PLPP3: variants seen among roughly 807,000 people sequenced by gnomAD.
PLPP3 encodes phospholipid phosphatase 3.
A neutral mutation model predicts 29.6 loss-of-function variants in PLPP3; 6 were observed. The observed-to-expected ratio is 0.20, with a 90% CI of 0.11 to 0.40. PLPP3 has a LOEUF of 0.40. Among genes scored for constraint, PLPP3 ranks in the 10% least tolerant of loss-of-function variants. PLPP3 has a pLI of 1.00. For missense variants in PLPP3, 308 were observed against 407.7 expected (o/e 0.76, Z 2.11); for synonymous variants, 152 against 159.7 (o/e 0.95, Z 0.36).
chr1:56,576,408 G>T (rs1242842108), intron 1 of PLPP3, among the ~76,000 whole-genome samples: 1 of 152,252 alleles, frequency 6.6e-6, no homozygotes, highest in Non-Finnish European at 1.5e-5. Flanking sequence ...ATCACATGTT[G>T]TGCTATTAAT....
At position 56,524,384 on chromosome 1, in the gene PLPP3, A is replaced by G; in HGVS notation, c.468T>C (p.Pro156=). 1.2e-6 allele frequency: 2 copies of G among 1,614,130 alleles called. No homozygotes were observed. The highest frequency in any genetic ancestry group is 1.7e-6 in the Non-Finnish European group (2 of 1,179,960). ...IAKVSIGRLR[P]HFLSVCNPDF... ...CAGGGTTGCAGACACTCAAGAAGTG[A>G]GGACGCAGGCGCCCTATGGACACTT... Residue 156 remains proline (P), a synonymous_variant, in exon 3 of 6, where the codon CCT becomes CCC. Coordinates refer to ENST00000371250, the MANE Select transcript of PLPP3 (RefSeq NM_003713.5). This position sits in a 1 kb window ranked among gnomAD's most constrained non-coding sequence, Gnocchi z 4.3.
intron 4 of PLPP3, chr1:56,512,921 G>A (rs1036069873): frequency 5.9e-5 from 9 of 151,880 alleles, no homozygotes; most frequent in African/African-American, 1.9e-4. Context: ...TGGGGATTAC[G>A]GCTATATAAT....
chr1:56,534,520 C>T (rs992605809), intron 2 of PLPP3, among the ~76,000 whole-genome samples: 4 of 152,106 alleles, frequency 2.6e-5, no homozygotes, highest in Admixed American at 6.5e-5. Flanking sequence ...CAGGAGAAGG[C>T]TCAGGACTGC....
chr1:56,576,714 C>T (rs566163905), intron 1 of PLPP3, among the ~76,000 whole-genome samples: 9 of 152,010 alleles, frequency 5.9e-5, no homozygotes, highest in African/African-American at 2.2e-4. Context: ...AACATAAGAC[C>T]AACAGTGAAT....
At chr1:56,546,334 C>T (rs1259781145) in intron 1 of PLPP3, among the ~76,000 whole-genome samples, 1 of 152,144 alleles carries the variant, frequency 6.6e-6, no homozygotes, top group Admixed American at 6.5e-5. Flanking sequence ...ATGTTAATTG[C>T]CTGGCTTTGT....
At chr1:56,526,179 A>C (rs961939449) in intron 2 of PLPP3, among the ~76,000 whole-genome samples, 2 of 152,214 alleles carry the variant, frequency 1.3e-5, no homozygotes, top group Admixed American at 1.3e-4. Flanking sequence ...GGGACCCTGC[A>C]TAGATGCTCA....
At chr1:56,527,866 G>A (rs1029812090) in intron 2 of PLPP3, among the ~76,000 whole-genome samples, 3 of 152,066 alleles carry the variant, frequency 2.0e-5, no homozygotes, top group Non-Finnish European at 2.9e-5. Context: ...TCTCCGACAC[G>A]TTACACACCT....
intron 1 of PLPP3, among the ~76,000 whole-genome samples, chr1:56,551,222 A>G (rs1479889682): frequency 6.8e-6 from 1 of 147,012 alleles, no homozygotes; most frequent in African/African-American, 2.5e-5. Context: ...AAACCATTTC[A>G]CAGCCCATGT....
At chr1:56,547,543 T>C (rs1381480494) in intron 1 of PLPP3, among the ~76,000 whole-genome samples, 2 of 152,178 alleles carry the variant, frequency 1.3e-5, no homozygotes, top group Non-Finnish European at 2.9e-5. Context: ...AAGTCTCAGA[T>C]GGGTGGTTAG....
chr1:56,553,016 G>A (rs2100285430), intron 1 of PLPP3, among the ~76,000 whole-genome samples: 1 of 152,264 alleles, frequency 6.6e-6, no homozygotes, highest in Admixed American at 6.5e-5. Flanking sequence ...AGCTGGTCAT[G>A]TCCCAAAGCA....
intron 4 of PLPP3, among the ~76,000 whole-genome samples, chr1:56,520,172 ACT>A (rs1378751205): frequency 6.6e-6 from 1 of 152,166 alleles, no homozygotes; most frequent in Non-Finnish European, 1.5e-5. Context: ...AGTGGCAACA[ACT>A]CTGCAAAATA....
intron 1 of PLPP3, among the ~76,000 whole-genome samples, chr1:56,551,299 C>T (rs567154594): frequency 0.26 from 34,318 of 132,598 alleles, 5,118 homozygotes; most frequent in South Asian, 0.34. Context: ...TGGTTCGGTT[C>T]GGTTCGGTTC....
chr1:56,501,711 A>C (rs1403415774), intron 5 of PLPP3, among the ~76,000 whole-genome samples: 1 of 152,184 alleles, frequency 6.6e-6, no homozygotes, highest in Non-Finnish European at 1.5e-5. Context: ...CACACAAACA[A>C]GACAACTCTA....
chr1:56,555,458 A>AAAC (rs1646070106), intron 1 of PLPP3, among the ~76,000 whole-genome samples: 1 of 149,466 alleles, frequency 6.7e-6, no homozygotes, highest in Admixed American at 6.7e-5. Context: ...AAAAAAAAAA[A>AAAC]AACAAAAAAC....
chr1:56,541,741 A>T (rs1452452647), intron 1 of PLPP3, among the ~76,000 whole-genome samples: 1 of 152,126 alleles, frequency 6.6e-6, no homozygotes, highest in Non-Finnish European at 1.5e-5. Context: ...AAGCATCTAT[A>T]AGTATTAGTA....
intron 2 of PLPP3, among the ~76,000 whole-genome samples, chr1:56,529,644 G>C (rs1162963535): frequency 6.6e-6 from 1 of 152,098 alleles, no homozygotes; most frequent in African/African-American, 2.4e-5. Context: ...TATTTTCTCT[G>C]GCACTGACTG....
chr1:56,506,257 C>T (rs577139303), intron 5 of PLPP3, among the ~76,000 whole-genome samples: 122 of 152,278 alleles, frequency 8.0e-4, no homozygotes, highest in Non-Finnish European at 1.5e-3. Context: ...GATTTGGTTC[C>T]TACTCTGCTA....
intron 5 of PLPP3, among the ~76,000 whole-genome samples, chr1:56,507,149 A>C (rs1256321807): frequency 6.6e-6 from 1 of 152,236 alleles, no homozygotes; most frequent in African/African-American, 2.4e-5. Flanking sequence ...TACCCTCAAC[A>C]GACCCAGGTA....
chr1:56,534,115 T>C (rs1260381034), intron 2 of PLPP3, among the ~76,000 whole-genome samples: 1 of 152,214 alleles, frequency 6.6e-6, no homozygotes, highest in Admixed American at 6.5e-5. Flanking sequence ...TTGCCCATGA[T>C]ACTCTTTGTA....
Sources: gnomAD v4.1 joint callset for allele counts (sites outside exome capture counted in the v4.1 genomes callset) on GRCh38, gnomAD v4.1.1 for gene constraint, Gnocchi (gnomAD v3.1) non-coding constraint, MANE v1.5 for transcripts, NCBI Gene and HGNC (gene_info 2026-07-23, HGNC 2026-07-21) for gene names.